SHANK2: variants seen among roughly 807,000 people sequenced by gnomAD.
The protein encoded by SHANK2 is SH3 and multiple ankyrin repeat domains 2.
Under a neutral mutation model 133.7 loss-of-function variants are expected in SHANK2, and 43 were observed. The ratio of observed to expected loss-of-function variants is 0.32; its 90% CI spans 0.25 to 0.41. The LOEUF (loss-of-function observed/expected upper bound fraction) is 0.41, where lower values mean the gene tolerates loss of function less well. SHANK2 is among the 10% of genes least tolerant of loss of function. The pLI is 1.00. For missense variants in SHANK2, 1,994 were observed against 2,235.8 expected (o/e 0.89, Z 2.18); for synonymous variants, 1,017 against 952.8 (o/e 1.07, Z -1.24).
intron 21 of SHANK2, among the ~76,000 whole-genome samples, chr11:70,495,285 C>T (rs1170940228): frequency 3.3e-5 from 5 of 152,196 alleles, no homozygotes; most frequent in Admixed American, 1.3e-4. Context: ...GGAGCCTTTC[C>T]CCTCCCAGGG....
intron 17 of SHANK2, among the ~76,000 whole-genome samples, chr11:70,572,769 A>G (rs2060062295): frequency 6.6e-6 from 1 of 152,194 alleles, no homozygotes; most frequent in African/African-American, 2.4e-5. Flanking sequence ...GGCGAGGCCC[A>G]GGAGAGGCTG....
chr11:70,747,642 G>T (rs2134866286), intron 14 of SHANK2, among the ~76,000 whole-genome samples: 1 of 152,292 alleles, frequency 6.6e-6, no homozygotes, highest in South Asian at 2.1e-4. Context: ...ATATCCCCAG[G>T]CCCCAATTCC....
At chr11:71,191,291 C>T (rs1052594740) in intron 2 of SHANK2, among the ~76,000 whole-genome samples, 13 of 152,152 alleles carry the variant, frequency 8.5e-5, no homozygotes, top group African/African-American at 2.2e-4. Context: ...GGAGACAGGA[C>T]GCTGCATATC....
intron 2 of SHANK2, among the ~76,000 whole-genome samples, chr11:71,210,039 C>A (rs1954222408): frequency 6.6e-6 from 1 of 151,034 alleles, no homozygotes; most frequent in Non-Finnish European, 1.5e-5. Flanking sequence ...CAAACGAGTC[C>A]GTGACCCCAA....
chr11:71,251,776 CG>C (rs1948186446), intron 1 of SHANK2, among the ~76,000 whole-genome samples: 1 of 150,992 alleles, frequency 6.6e-6, no homozygotes, highest in South Asian at 2.1e-4. Context: ...CCGCCACCCC[CG>C]GGCCCGCACC....
chr11:71,123,469 G>T (rs879975514), intron 3 of SHANK2, among the ~76,000 whole-genome samples: 7 of 152,176 alleles, frequency 4.6e-5, no homozygotes, highest in Non-Finnish European at 8.8e-5. Flanking sequence ...AGGGATATGC[G>T]AGTCTGGGGT....
chr11:70,489,452 C>T, intron 23 of SHANK2, 104 bp from the exon 24 acceptor site: 2 of 1,070,190 alleles, frequency 1.9e-6, no homozygotes, highest in Non-Finnish European at 2.9e-6. Context: ...CAGCAGACAC[C>T]ACCTCCACGG....
chr11:70,477,560 A>C (rs2058679081), intron 25 of SHANK2: 1 of 152,098 alleles, frequency 6.6e-6, no homozygotes, highest in South Asian at 2.1e-4. Flanking sequence ...GCTTATTGCC[A>C]ATTTCCTACC....
At chr11:70,547,353 T>A (rs1420635100) in intron 17 of SHANK2, among the ~76,000 whole-genome samples, 2 of 152,132 alleles carry the variant, frequency 1.3e-5, no homozygotes, top group Admixed American at 1.3e-4. Context: ...CTCCACCTCT[T>A]GGGTTCAAGC....
At chr11:70,781,558 T>TTATATATATATA (rs1273792106) in intron 14 of SHANK2, among the ~76,000 whole-genome samples, 683 of 28,880 alleles carry the variant, frequency 0.024, 88 homozygotes, top group Admixed American at 0.035. Flanking sequence ...TACTTACTTA[T>TTATATATATATA]TATATATATA....
intron 11 of SHANK2, among the ~76,000 whole-genome samples, chr11:70,837,519 T>C (rs1948837998): frequency 6.6e-6 from 1 of 152,230 alleles, no homozygotes; most frequent in Non-Finnish European, 1.5e-5. Context: ...TGCTAGCCCC[T>C]TGTGACTTTT....
At chr11:70,581,026 C>A (rs1458288194) in intron 17 of SHANK2, among the ~76,000 whole-genome samples, 1 of 152,200 alleles carries the variant, frequency 6.6e-6, no homozygotes, top group African/African-American at 2.4e-5. Flanking sequence ...TTCGTCACTG[C>A]GAGGCCTTCT....
chr11:70,946,293 C>G (rs1418356446), intron 10 of SHANK2, among the ~76,000 whole-genome samples: 1 of 149,136 alleles, frequency 6.7e-6, no homozygotes, highest in African/African-American at 2.5e-5. Flanking sequence ...AACAACGCTT[C>G]CCAGGCTCAA....
At chr11:70,837,664 G>T (rs1483149097) in intron 11 of SHANK2, among the ~76,000 whole-genome samples, 1 of 152,118 alleles carries the variant, frequency 6.6e-6, no homozygotes, top group African/African-American at 2.4e-5. Context: ...CCAGCACAGA[G>T]CCCAGCCCCT....
Position 70,647,793 on chromosome 11 carries a change from C to T in SHANK2, c.2061+12035G>A, listed in dbSNP as rs80198313. Among the ~76,000 whole-genome samples, 931 of 152,276 alleles carry T rather than the reference C, an allele frequency of 6.1e-3. 5 individuals carry two copies. The highest frequency in any genetic ancestry group is 0.011 in the Non-Finnish European group (746 of 68,018). ...GCGGTCCTTCTGCCCAGGCATGTGA[C>T]GAAGGTGGTGAACTCAGCACTCACT... On this transcript the variant is annotated intron_variant, in intron 17 of 25. Transcript: ENST00000601538.
chr11:70,501,295 CAGCACTT>C (rs141980578), intron 20 of SHANK2, among the ~76,000 whole-genome samples: 3,437 of 152,356 alleles, frequency 0.023, 116 homozygotes, highest in African/African-American at 0.078. Flanking sequence ...ACTGCTGTGG[CAGCACTT>C]AGCACTTGCT....
intron 17 of SHANK2, among the ~76,000 whole-genome samples, chr11:70,628,096 ATTACAGGC>A (rs2060928793): frequency 1.3e-5 from 2 of 152,102 alleles, no homozygotes; most frequent in African/African-American, 4.8e-5. Flanking sequence ...AGTAGCTGGG[ATTACAGGC>A]GCATGCCACC....
intron 3 of SHANK2, among the ~76,000 whole-genome samples, chr11:71,120,138 A>G (rs1209042782): frequency 6.6e-6 from 1 of 152,160 alleles, no homozygotes; most frequent in African/African-American, 2.4e-5. Context: ...CACTTCAAAC[A>G]TATAATAGCA....
intron 17 of SHANK2, among the ~76,000 whole-genome samples, chr11:70,510,544 C>G (rs1030552360): frequency 1.3e-4 from 20 of 152,200 alleles, no homozygotes; most frequent in Admixed American, 4.6e-4. Context: ...GCCACCACCC[C>G]CAAGTTTCTG....
Sources: gnomAD v4.1 joint callset for allele counts (sites outside exome capture counted in the v4.1 genomes callset) on GRCh38, gnomAD v4.1.1 for gene constraint, MANE v1.5 for transcripts, NCBI Gene and HGNC (gene_info 2026-07-23, HGNC 2026-07-21) for gene names.